The following ADARB2 variants were observed in gnomAD, a reference collection of about 807,000 sequenced individuals.
ADARB2 encodes the protein adenosine deaminase RNA specific B2 (inactive).
Under a neutral mutation model 62.2 loss-of-function variants are expected in ADARB2, and 25 were observed. The observed-to-expected ratio is 0.40, with a 90% confidence interval of 0.29 to 0.56. The LOEUF (loss-of-function observed/expected upper bound fraction) is 0.56, where lower values mean the gene tolerates loss of function less well. Ranked by LOEUF, ADARB2 falls within the 20% of genes least tolerant of loss-of-function variation. ADARB2 has a pLI of 0.43. For missense variants in ADARB2, 1,071 were observed against 1,077.4 expected (o/e 0.99, Z 0.08); for synonymous variants, 572 against 500.8 (o/e 1.14, Z -1.90).
chr10:1,476,144 G>C (rs1564301461), intron 1 of ADARB2, among the ~76,000 whole-genome samples: 1 of 151,914 alleles, frequency 6.6e-6, no homozygotes, highest in African/African-American at 2.4e-5. Context: ...GAGAAGGAGA[G>C]AAAAAAGGAA....
chr10:1,420,611 GGAAAA>G (rs1832843954), intron 1 of ADARB2, among the ~76,000 whole-genome samples: 2 of 121,122 alleles, frequency 1.7e-5, no homozygotes, highest in Admixed American at 8.4e-5. Flanking sequence ...CCAGAAAGAG[GGAAAA>G]AAAAAAAAAA....
intron 1 of ADARB2, among the ~76,000 whole-genome samples, chr10:1,666,686 T>C (rs1834320847): frequency 1.3e-5 from 2 of 152,190 alleles, no homozygotes; most frequent in Non-Finnish European, 2.9e-5. Context: ...CTTCATTTTT[T>C]TTGAGGGGCG....
chr10:1,209,315 GCCCACACCCACGCCATCA>G (rs1450761956), intron 7 of ADARB2, among the ~76,000 whole-genome samples: 1 of 147,314 alleles, frequency 6.8e-6, no homozygotes, highest in Non-Finnish European at 1.5e-5. Flanking sequence ...CTACAGCCTC[GCCCACACCCACGCCATCA>G]CCCACACCCA....
In ADARB2 at chr10:1,211,519, G is replaced by A. The variant is rs149031579; in HGVS notation, c.1682+5432C>T. Reference sequence around the variant, plus strand: ...AAGCTTAGAGTTTGGTGGGAAGCATGGATTCTAAGGAGGGTGAGGGCCTCC... The same window carrying A: ...AAGCTTAGAGTTTGGTGGGAAGCATAGATTCTAAGGAGGGTGAGGGCCTCC... On this transcript the variant is annotated intron_variant, in intron 7 of 9. Transcript: ENST00000381312. 2.6e-5 allele frequency among the ~76,000 whole-genome samples: 4 copies of A among 152,312 alleles called. No homozygotes were observed. The East Asian group carries it at 7.7e-4, about 29-fold the overall frequency.
At chr10:1,585,874 A>G (rs1055078585) in intron 1 of ADARB2, among the ~76,000 whole-genome samples, 2 of 152,128 alleles carry the variant, frequency 1.3e-5, no homozygotes, top group Non-Finnish European at 2.9e-5. Context: ...CTCTACTAAA[A>G]ATACAAAAAA....
chr10:1,277,360 C>G (rs1006131756), intron 3 of ADARB2, among the ~76,000 whole-genome samples: 1 of 151,932 alleles, frequency 6.6e-6, no homozygotes, highest in South Asian at 2.1e-4. Context: ...AGACCGCTAG[C>G]AAGACTAATA....
chr10:1,359,503 A>C (rs978667768), intron 3 of ADARB2, among the ~76,000 whole-genome samples: 1 of 152,164 alleles, frequency 6.6e-6, no homozygotes, highest in Non-Finnish European at 1.5e-5. Context: ...CATGCTTCTG[A>C]ACTTCCTCTT....
intron 1 of ADARB2, among the ~76,000 whole-genome samples, chr10:1,596,784 A>C (rs1364982985): frequency 3.3e-5 from 5 of 152,218 alleles, no homozygotes; most frequent in African/African-American, 9.7e-5. Flanking sequence ...AGTGGGGAAG[A>C]TGGCAATGTT....
chr10:1,233,914 G>A lies in ADARB2; in HGVS notation c.1362-69C>T, dbSNP rs182197494. 4.4e-5 allele frequency: 66 copies of A among 1,494,338 alleles called. No homozygotes were observed. In the East Asian group the frequency reaches 1.2e-3, roughly 27 times the overall value. The allele number at this position is 1,494,338 out of a possible 1,614,324, so 92.6% of individuals were successfully genotyped here. A position where few individuals can be genotyped will look rare whatever the true frequency, so the allele number is the denominator to read the frequency against. On this transcript the variant is annotated intron_variant, in intron 5 of 9. Coordinates refer to ENST00000381312, the MANE Select transcript of ADARB2 (RefSeq NM_018702.4). Reference sequence around the variant, plus strand: ...CCAGAAATGTTCCAACCAGGTGAACGCTTGAGTCCTGTTTTGTAGAGTTGT... The same window carrying A: ...CCAGAAATGTTCCAACCAGGTGAACACTTGAGTCCTGTTTTGTAGAGTTGT...
At chr10:1,599,546 T>C (rs1588317900) in intron 1 of ADARB2, among the ~76,000 whole-genome samples, 1 of 152,262 alleles carries the variant, frequency 6.6e-6, no homozygotes, top group Non-Finnish European at 1.5e-5. Flanking sequence ...GAAGAGCCGT[T>C]AATTAATATT....
At chr10:1,277,197 C>T (rs1831325724) in intron 3 of ADARB2, among the ~76,000 whole-genome samples, 2 of 152,108 alleles carry the variant, frequency 1.3e-5, no homozygotes, top group African/African-American at 4.8e-5. Context: ...ATGAAAAGAA[C>T]TAGAGACACA....
chr10:1,411,787 AC>A (rs1411506533), intron 1 of ADARB2, among the ~76,000 whole-genome samples: 4 of 152,188 alleles, frequency 2.6e-5, no homozygotes, highest in African/African-American at 9.7e-5. Context: ...CAAGTGCCTG[AC>A]CTACAGCAAG....
At chr10:1,200,328 T>C (rs1462569696) in intron 7 of ADARB2, 181 bp from the exon 8 acceptor site, 1 of 775,000 alleles carries the variant, frequency 1.3e-6, no homozygotes. Context: ...GGGGACACTG[T>C]TGCCTGGGAC....
intron 1 of ADARB2, among the ~76,000 whole-genome samples, chr10:1,637,673 T>A (rs1268177685): frequency 6.6e-6 from 1 of 152,208 alleles, no homozygotes; most frequent in African/African-American, 2.4e-5. Context: ...CCCATCCCTA[T>A]AAAATATCAA....
intron 1 of ADARB2, among the ~76,000 whole-genome samples, chr10:1,709,460 A>C (rs1317971153): frequency 6.6e-6 from 1 of 152,244 alleles, no homozygotes; most frequent in Non-Finnish European, 1.5e-5. Context: ...AATTCCAATG[A>C]GCAAGCAGCA....
chr10:1,692,318 C>T (rs534828428), intron 1 of ADARB2, among the ~76,000 whole-genome samples: 2 of 152,174 alleles, frequency 1.3e-5, no homozygotes, highest in East Asian at 3.9e-4. Context: ...TTTAAATGCC[C>T]CCAGAAGCTC....
At chr10:1,706,996 C>G (rs1466634888) in intron 1 of ADARB2, among the ~76,000 whole-genome samples, 5 of 151,988 alleles carry the variant, frequency 3.3e-5, no homozygotes, top group African/African-American at 1.2e-4. Flanking sequence ...TTCATGCGTT[C>G]CTCTCTTCAG....
intron 6 of ADARB2, among the ~76,000 whole-genome samples, chr10:1,217,520 GA>G (rs1830643308): frequency 6.6e-6 from 1 of 152,194 alleles, no homozygotes; most frequent in Non-Finnish European, 1.5e-5. Context: ...CAGAGGTTGT[GA>G]AACACCGTTT....
chr10:1,549,872 C>T (rs1832589824), intron 1 of ADARB2, among the ~76,000 whole-genome samples: 1 of 152,170 alleles, frequency 6.6e-6, no homozygotes, highest in Non-Finnish European at 1.5e-5. Context: ...CACCCCCTCT[C>T]CTGGGTGCTG....
Sources: allele counts gnomAD v4.1 joint callset (sites outside exome capture counted in the v4.1 genomes callset), GRCh38; gene constraint gnomAD v4.1.1; transcripts MANE v1.5; gene names NCBI Gene and HGNC (gene_info 2026-07-23, HGNC 2026-07-21).